Variants in NSUN6 observed in about 807,000 individuals in gnomAD.
NSUN6 encodes the protein tRNA (cytosine(72)-C(5))-methyltransferase NSUN6.
In NSUN6, 64 loss-of-function variants were observed where a neutral mutation model predicts 58.0. That is an observed-to-expected ratio of 1.10 (90% CI 0.90 to 1.36). The LOEUF (loss-of-function observed/expected upper bound fraction) is 1.36, where lower values mean the gene tolerates loss of function less well. Among genes scored for constraint, NSUN6 ranks in the 40% most tolerant of loss-of-function variants. The pLI is 0.00. For synonymous variants in NSUN6, 231 were observed against 193.9 expected, an observed-to-expected ratio of 1.19 and a Z score of -1.59; for missense variants, 701 against 550.1, an observed-to-expected ratio of 1.27 and a Z score of -2.74.
chr10:18,651,285 G>T lies in NSUN6; in HGVS notation c.-82C>A. On this transcript the variant is annotated 5_prime_UTR_variant, in exon 1 of 11. Coordinates refer to ENST00000377304, the MANE Select transcript of NSUN6 (RefSeq NM_182543.5). ...TTTTTTTTCTTTCCGAATTAATAGT[G>T]ACGAGTGTCTTGACACCAGATGCTG... 6.8e-7 allele frequency: 1 copy of T among 1,466,204 alleles called. No homozygotes were observed. 90.8% of individuals were successfully genotyped at this position (1,466,204 alleles called of 1,614,324 possible).
intron 8 of NSUN6, among the ~76,000 whole-genome samples, chr10:18,570,014 C>T (rs1453749225): frequency 1.4e-5 from 2 of 145,084 alleles, no homozygotes; most frequent in African/African-American, 5.1e-5. Flanking sequence ...CCATTGCATT[C>T]CACTATTCAT....
chr10:18,587,603 T>A (rs976706989), intron 7 of NSUN6, among the ~76,000 whole-genome samples: 25 of 151,758 alleles, frequency 1.6e-4, no homozygotes, highest in African/African-American at 5.8e-4. Flanking sequence ...TTCATCTCAC[T>A]GGGACTGGTT....
chr10:18,623,502 C>G (rs1249006270), intron 3 of NSUN6, among the ~76,000 whole-genome samples: 1 of 152,108 alleles, frequency 6.6e-6, no homozygotes, highest in African/African-American at 2.4e-5. Context: ...AGGAGAGGCT[C>G]CTGGAGGCTT....
intron 3 of NSUN6, among the ~76,000 whole-genome samples, chr10:18,622,731 G>C (rs34929895): frequency 2.0e-5 from 3 of 152,146 alleles, no homozygotes; most frequent in Admixed American, 1.3e-4. Context: ...GATGGAAATC[G>C]AGTAGGCTGA....
chr10:18,573,411 ATCGG>A (rs1429204337), intron 8 of NSUN6, among the ~76,000 whole-genome samples: 1 of 136,816 alleles, frequency 7.3e-6, no homozygotes, highest in Admixed American at 7.3e-5. Flanking sequence ...CTTCCATTCC[ATCGG>A]TTCCATTTTC....
intron 8 of NSUN6, among the ~76,000 whole-genome samples, chr10:18,559,182 G>C (rs1375967451): frequency 6.6e-6 from 1 of 151,120 alleles, no homozygotes; most frequent in Non-Finnish European, 1.5e-5. Context: ...AGAATAGAAT[G>C]GAATGGAAGA....
At chr10:18,552,033 TGA>T (rs2054638991) in intron 8 of NSUN6, 62 bp from the exon 9 acceptor site, 3 of 917,340 alleles carry the variant, frequency 3.3e-6, no homozygotes, top group South Asian at 3.9e-5. Flanking sequence ...AGAAAACTCC[TGA>T]GATGAGCAGG....
chr10:18,557,939 G>A (rs2055170419), intron 8 of NSUN6, among the ~76,000 whole-genome samples: 6 of 150,970 alleles, frequency 4.0e-5, no homozygotes. Flanking sequence ...GGAAAATGGA[G>A]AATGGAAGGT....
intron 10 of NSUN6, among the ~76,000 whole-genome samples, chr10:18,547,593 T>C (rs1214863430): frequency 6.6e-6 from 1 of 152,160 alleles, no homozygotes; most frequent in Non-Finnish European, 1.5e-5. Context: ...GACCATAACA[T>C]AAAGAGTTGT....
intron 8 of NSUN6, among the ~76,000 whole-genome samples, chr10:18,573,057 CTCCAT>C: frequency 6.6e-6 from 1 of 150,910 alleles, no homozygotes; most frequent in East Asian, 2.0e-4. Context: ...CCATTCTCTT[CTCCAT>C]TCCATTCCAT....
intron 3 of NSUN6, among the ~76,000 whole-genome samples, chr10:18,620,305 T>C (rs976955722): frequency 6.6e-6 from 1 of 152,084 alleles, no homozygotes; most frequent in African/African-American, 2.4e-5. Context: ...GCCAGGATAG[T>C]CTCGATCTCC....
At chr10:18,646,785 C>T (rs543642926) in intron 2 of NSUN6, among the ~76,000 whole-genome samples, 3 of 152,228 alleles carry the variant, frequency 2.0e-5, no homozygotes, top group South Asian at 4.1e-4. Flanking sequence ...GAGCCAAGAT[C>T]GTGCCACCGC....
intron 6 of NSUN6, among the ~76,000 whole-genome samples, chr10:18,609,443 T>C (rs1166459973): frequency 1.3e-5 from 2 of 152,138 alleles, no homozygotes; most frequent in Non-Finnish European, 2.9e-5. Context: ...CTAACAGATC[T>C]GTTCTTCAGT....
In NSUN6 at chr10:18,616,448, C is replaced by T. The variant is rs376147953; in HGVS notation, c.312-155G>A. Among the ~76,000 whole-genome samples, 109 of 151,980 alleles carry T rather than the reference C, an allele frequency of 7.2e-4. 1 individual carries two copies. Among genetic ancestry groups the T allele is most frequent in the African/African-American group, 2.6e-3 (108 of 41,430 alleles). ...AAGAGAGGCATACATATAGAGGAAA[C>T]AGGAAAAAACAGCAACACGAAGATG... is the stretch of plus-strand genomic sequence containing the variant. On this transcript the variant is annotated intron_variant, in intron 3 of 10. Transcript: ENST00000377304.
chr10:18,587,466 A>G (rs1299817440), intron 7 of NSUN6, among the ~76,000 whole-genome samples: 2 of 152,322 alleles, frequency 1.3e-5, no homozygotes, highest in Admixed American at 1.3e-4. Flanking sequence ...GTCAAAGTCA[A>G]TAAAGATAAG....
chr10:18,557,773 G>A (rs569880301), intron 8 of NSUN6, among the ~76,000 whole-genome samples: 3 of 150,908 alleles, frequency 2.0e-5, no homozygotes, highest in East Asian at 2.0e-4. Flanking sequence ...AATGGAGAAT[G>A]GAACAGAATG....
upstream of NSUN6, chr10:18,655,050 C>A: frequency 3.1e-6 from 3 of 981,846 alleles, no homozygotes; most frequent in Non-Finnish European, 3.6e-6. Context: ...TTTCTTGCCA[C>A]GCTTATGGAA....
intron 8 of NSUN6, among the ~76,000 whole-genome samples, chr10:18,578,166 A>C (rs2056745906): frequency 1.3e-5 from 2 of 151,858 alleles, no homozygotes; most frequent in African/African-American, 4.8e-5. Flanking sequence ...CTGAGTAACG[A>C]GCAGCAGCTA....
chr10:18,556,753 G>C (rs2055055833), intron 8 of NSUN6, among the ~76,000 whole-genome samples: 1 of 150,724 alleles, frequency 6.6e-6, no homozygotes, highest in African/African-American at 2.4e-5. Context: ...AGAAGGATTT[G>C]GTATGGAATG....
Sources: gnomAD v4.1 joint callset for allele counts (sites outside exome capture counted in the v4.1 genomes callset) on GRCh38, gnomAD v4.1.1 for gene constraint, MANE v1.5 for transcripts, NCBI Gene and HGNC (gene_info 2026-07-23, HGNC 2026-07-21) for gene names.